Variants in SFMBT2 observed in about 807,000 individuals in gnomAD.
The protein encoded by SFMBT2 is Scm like with four mbt domains 2.
In SFMBT2, 38 loss-of-function variants were observed where a neutral mutation model predicts 110.1. The observed-to-expected ratio is 0.35, with a 90% CI of 0.27 to 0.45. The LOEUF is 0.45. Among genes scored for constraint, SFMBT2 ranks in the 20% least tolerant of loss-of-function variants. The pLI is 1.00. For synonymous variants in SFMBT2, 425 were observed against 425.4 expected, an observed-to-expected ratio of 1.00 and a Z score of 0.01; for missense variants, 1,011 against 1,094.9, an observed-to-expected ratio of 0.92 and a Z score of 1.08.
intron 9 of SFMBT2, among the ~76,000 whole-genome samples, chr10:7,235,911 T>C (rs189790180): frequency 7.2e-5 from 11 of 152,030 alleles, no homozygotes; most frequent in Non-Finnish European, 1.3e-4. Flanking sequence ...TAAACTTATA[T>C]CCACGAAAGG....
intron 6 of SFMBT2, among the ~76,000 whole-genome samples, chr10:7,282,540 CTTTG>C (rs1371350069): frequency 1.3e-5 from 2 of 152,236 alleles, no homozygotes; most frequent in East Asian, 1.9e-4. Flanking sequence ...ACGACAGGCT[CTTTG>C]TTTGTCATCA....
chr10:7,369,617 C>T (rs575078191), intron 3 of SFMBT2, among the ~76,000 whole-genome samples: 1 of 152,212 alleles, frequency 6.6e-6, no homozygotes, highest in Admixed American at 6.5e-5. Context: ...TAATCTGACT[C>T]ATCTGCCAAT....
At position 7,254,547 on chromosome 10, in the gene SFMBT2, C is replaced by T. The variant is rs369100340; in HGVS notation, c.871-5898G>A. Among the ~76,000 whole-genome samples, 32 of 152,180 alleles carry T rather than the reference C, an allele frequency of 2.1e-4. No individual in the cohort carries two copies. The East Asian group carries it at 4.8e-3, about 23-fold the overall frequency. ...ATGATAAAAGATTCTGGGGGCCAGG[C>T]GCGGTGGCTCACATCTGTAATCCCA... On this transcript the variant is annotated intron_variant, in intron 7 of 20. Transcript: ENST00000397167.
intron 20 of SFMBT2, chr10:7,164,355 C>T: frequency 1.1e-6 from 1 of 916,420 alleles, no homozygotes; most frequent in Non-Finnish European, 1.3e-6. Context: ...CACTGCCCTC[C>T]AGCCTGGGCA....
chr10:7,323,656 A>C (rs1486518099), intron 4 of SFMBT2, among the ~76,000 whole-genome samples: 1 of 152,096 alleles, frequency 6.6e-6, no homozygotes, highest in Non-Finnish European at 1.5e-5. Flanking sequence ...GATTTTTTTA[A>C]TTTTAACCTC....
chr10:7,165,632 T>G (rs955705513), intron 20 of SFMBT2, among the ~76,000 whole-genome samples: 1 of 152,228 alleles, frequency 6.6e-6, no homozygotes, highest in Admixed American at 6.5e-5. Context: ...CTAGCTATGA[T>G]GTAAGCAACT....
chr10:7,368,476 A>G, intron 3 of SFMBT2: 1 of 373,224 alleles, frequency 2.7e-6, no homozygotes, highest in Non-Finnish European at 3.7e-6. Context: ...CACTGCTGAA[A>G]GGAGATGACA....
intron 9 of SFMBT2, among the ~76,000 whole-genome samples, chr10:7,243,357 G>A (rs1840497948): frequency 6.6e-6 from 1 of 152,194 alleles, no homozygotes. Context: ...GGACAGAAGT[G>A]AGAAGCCCAA....
In SFMBT2 at chr10:7,202,728, A is replaced by C. The variant is rs564706992; in HGVS notation, c.1445-206T>G. On this transcript the variant is annotated intron_variant, in intron 12 of 20. Transcript: ENST00000397167. ...CTCACCAGATGTCAGATCTTAGTAC[A>C]ACTTCGTTCATTTAATCTTATCATT... The C allele has an allele frequency of 8.6e-5, 85 of 985,430 alleles. No individual in the cohort carries two copies. In the Middle Eastern group the frequency reaches 3.7e-3, roughly 42 times the overall value. 61.0% of individuals were successfully genotyped at this position (985,430 alleles called of 1,614,324 possible).
chr10:7,226,200 G>C (rs1326061850), intron 10 of SFMBT2, among the ~76,000 whole-genome samples: 1 of 152,206 alleles, frequency 6.6e-6, no homozygotes, highest in African/African-American at 2.4e-5. Flanking sequence ...TGCCAGGCAG[G>C]CTCCAAGCAG....
chr10:7,370,474 A>T, intron 2 of SFMBT2, 99 bp from the exon 3 acceptor site: 1 of 997,532 alleles, frequency 1.0e-6, no homozygotes, highest in Non-Finnish European at 1.6e-6. Context: ...ACAAGACACA[A>T]GCTAATTCCA....
At chr10:7,167,987 G>C (rs967745012) in intron 20 of SFMBT2, among the ~76,000 whole-genome samples, 3 of 152,032 alleles carry the variant, frequency 2.0e-5, no homozygotes, top group African/African-American at 7.2e-5. Flanking sequence ...AGAATCGCTT[G>C]AACCCGGGAG....
chr10:7,315,120 A>AAGAAAAGAAAG lies in SFMBT2; in HGVS notation c.437-29167_437-29166insCTTTCTTTTCT, dbSNP rs1554802952. On this transcript the variant is annotated intron_variant, in intron 4 of 20. Coordinates refer to ENST00000397167, the MANE Select transcript of SFMBT2 (RefSeq NM_001387889.1). ...AGAAAGAAAGAAAGAAAAAGCAAGCAAGCAAGCCAGCCAATCCGGCAGCAC... is the reference window on the plus strand; with the variant it reads ...AGAAAGAAAGAAAGAAAAAGCAAGCAAGAAAAGAAAGAGCAAGCCAGCCAATCCGGCAGCAC... Among the ~76,000 whole-genome samples, 139 of 144,826 alleles carry AAGAAAAGAAAG rather than the reference A, an allele frequency of 9.6e-4. 1 individual carries two copies. The highest frequency in any genetic ancestry group is 1.8e-3 in the Non-Finnish European group (118 of 64,308).
chr10:7,331,728 C>G (rs947883366), intron 4 of SFMBT2, among the ~76,000 whole-genome samples: 1 of 152,042 alleles, frequency 6.6e-6, no homozygotes, highest in African/African-American at 2.4e-5. Flanking sequence ...CACATGGGAC[C>G]CTGTGCGCAT....
At chr10:7,310,020 C>T (rs1443554834) in intron 4 of SFMBT2, among the ~76,000 whole-genome samples, 4 of 152,252 alleles carry the variant, frequency 2.6e-5, no homozygotes, top group East Asian at 1.9e-4. Flanking sequence ...AGCAGTACCC[C>T]GGGTCCTACA....
intron 2 of SFMBT2, chr10:7,370,746 G>A (rs773321345): frequency 1.3e-5 from 10 of 792,794 alleles, no homozygotes; most frequent in Non-Finnish European, 1.4e-5. Flanking sequence ...GGAACCCATC[G>A]TGCGCTGAGC....
At chr10:7,237,245 C>G (rs1840285417) in intron 9 of SFMBT2, among the ~76,000 whole-genome samples, 1 of 152,096 alleles carries the variant, frequency 6.6e-6, no homozygotes, top group African/African-American at 2.4e-5. Flanking sequence ...TTGGGGATCA[C>G]TTGCAATAGG....
At chr10:7,247,748 G>C (rs1840663528) in intron 8 of SFMBT2, among the ~76,000 whole-genome samples, 2 of 152,130 alleles carry the variant, frequency 1.3e-5, no homozygotes, top group Admixed American at 1.3e-4. Flanking sequence ...ACACACATCG[G>C]CCAAGAATGT....
At chr10:7,248,429 T>C in intron 8 of SFMBT2, 119 bp downstream of exon 8, 1 of 796,498 alleles carries the variant, frequency 1.3e-6, no homozygotes, top group Non-Finnish European at 2.0e-6. Flanking sequence ...CTTCCTTAGC[T>C]TCGCCTGGCA....
Sources: allele counts gnomAD v4.1 joint callset (sites outside exome capture counted in the v4.1 genomes callset), GRCh38; gene constraint gnomAD v4.1.1; transcripts MANE v1.5; gene names NCBI Gene and HGNC (gene_info 2026-07-23, HGNC 2026-07-21).